SLC30A6: variants seen among roughly 807,000 people sequenced by gnomAD.
SLC30A6 encodes the protein zinc transporter 6.
In SLC30A6, 55 loss-of-function variants were observed where a neutral mutation model predicts 63.0. The ratio of observed to expected loss-of-function variants is 0.87; its 90% CI spans 0.70 to 1.09. The LOEUF is 1.09. Ranked by LOEUF, SLC30A6 falls within the 50% of genes least tolerant of loss-of-function variation. The pLI is 0.00. For missense variants in SLC30A6, 587 were observed against 549.2 expected (o/e 1.07, Z -0.69); for synonymous variants, 224 against 186.1 (o/e 1.20, Z -1.66).
At chr2:32,173,304 G>A (rs930318945) in intron 2 of SLC30A6, among the ~76,000 whole-genome samples, 1 of 151,704 alleles carries the variant, frequency 6.6e-6, no homozygotes, top group African/African-American at 2.4e-5. Flanking sequence ...AAAAATCTCT[G>A]TGTTGCCAAA....
At chr2:32,213,194 A>G (rs1685407617) in intron 13 of SLC30A6, among the ~76,000 whole-genome samples, 1 of 151,964 alleles carries the variant, frequency 6.6e-6, no homozygotes, top group Admixed American at 6.6e-5. Flanking sequence ...GGCACGAGCC[A>G]CTGTGCCTGG....
At chr2:32,186,522 C>G (rs1573303590) in intron 5 of SLC30A6, among the ~76,000 whole-genome samples, 1 of 152,122 alleles carries the variant, frequency 6.6e-6, no homozygotes, top group East Asian at 1.9e-4. Context: ...CCCATCTCTA[C>G]TAAAAACACA....
chr2:32,212,583 CTTTTTTTTTTTTT>C (rs1193348947), intron 13 of SLC30A6, among the ~76,000 whole-genome samples: 2 of 83,022 alleles, frequency 2.4e-5, no homozygotes, highest in Non-Finnish European at 4.8e-5. Flanking sequence ...CCATTTTTAC[CTTTTTTTTTTTTT>C]TTTTTTTTTT....
intron 1 of SLC30A6, among the ~76,000 whole-genome samples, chr2:32,166,693 C>T (rs1680690963): frequency 6.6e-6 from 1 of 152,178 alleles, no homozygotes; most frequent in East Asian, 1.9e-4. Context: ...TATTGATAGC[C>T]TACGTATGAG....
At position 32,171,382 on chromosome 2, in the gene SLC30A6, T is replaced by C; in HGVS notation, c.90+9T>C. 1 of 1,604,940 alleles carries C rather than the reference T, an allele frequency of 6.2e-7. No homozygotes were observed. The highest frequency in any genetic ancestry group is 8.5e-7 in the Non-Finnish European group (1 of 1,171,930). On this transcript the variant is annotated intron_variant, in intron 2 of 13. Transcript: ENST00000282587. ...TAGCAGCTGACCGAAGGGTAAGTTA[T>C]TCCTTAACCCCAATTTTAATTATTG...
intron 13 of SLC30A6, among the ~76,000 whole-genome samples, chr2:32,213,889 C>T (rs212694): frequency 0.53 from 78,661 of 148,762 alleles, 21,026 homozygotes; most frequent in African/African-American, 0.57. Context: ...CTGCAACCTC[C>T]GCCTCCTGAG....
chr2:32,209,871 C>T lies in SLC30A6; in HGVS notation c.885+310C>T, dbSNP rs544400687. On this transcript the variant is annotated intron_variant, in intron 13 of 13. Coordinates refer to ENST00000282587, the MANE Select transcript of SLC30A6 (RefSeq NM_017964.5). ...ATCAAACATGTTAATGATAATAATA[C>T]AGGAGTGTCCAGATAAGACAAATTT... Among the ~76,000 whole-genome samples the T allele has an allele frequency of 3.3e-5, 5 of 152,142 alleles. No individual in the cohort carries two copies. In the South Asian group the frequency reaches 8.3e-4, roughly 25 times the overall value.
intron 8 of SLC30A6, among the ~76,000 whole-genome samples, chr2:32,194,251 A>G (rs1683584310): frequency 6.6e-6 from 1 of 152,232 alleles, no homozygotes; most frequent in African/African-American, 2.4e-5. Context: ...CATTTACCAA[A>G]TAATGTGAGA....
At chr2:32,170,163 C>T (rs944092527) in intron 1 of SLC30A6, among the ~76,000 whole-genome samples, 2 of 152,050 alleles carry the variant, frequency 1.3e-5, no homozygotes, top group Non-Finnish European at 2.9e-5. Flanking sequence ...AAAGGCTTCC[C>T]CCAACTCCCA....
chr2:32,198,379 T>C (rs1176854006), intron 10 of SLC30A6, among the ~76,000 whole-genome samples: 1 of 152,220 alleles, frequency 6.6e-6, no homozygotes, highest in Non-Finnish European at 1.5e-5. Flanking sequence ...TAGATTTTTA[T>C]TTCTAGCCCA....
Position 32,192,361 on chromosome 2 carries a change from G to C in SLC30A6, c.310G>C (p.Val104Leu). 6.2e-7 allele frequency: 1 copy of C among 1,613,990 alleles called. No individual in the cohort carries two copies. Among genetic ancestry groups the C allele is most frequent in the Non-Finnish European group, 8.5e-7 (1 of 1,179,936 alleles). Residue 104 changes from valine to leucine, a missense_variant, in exon 6 of 14, where the codon GTA (valine) becomes CTA (leucine). Transcript: ENST00000282587. ...FGFERLEVLA[V>L]FASTVLAQLG... ...GTTTGAAAGATTAGAAGTCCTGGCT[G>C]TATTTGCCTCCACAGTCTTGGCACA...
chr2:32,218,644 C>T (rs1313254482), intron 13 of SLC30A6, among the ~76,000 whole-genome samples: 1 of 152,124 alleles, frequency 6.6e-6, no homozygotes, highest in Non-Finnish European at 1.5e-5. Flanking sequence ...GCAACGTCTG[C>T]CTCCTGGATT....
intron 2 of SLC30A6, 46 bp downstream of exon 2, chr2:32,171,419 T>C (rs1327664667): frequency 2.1e-6 from 3 of 1,427,436 alleles, no homozygotes; most frequent in Non-Finnish European, 3.0e-6. Flanking sequence ...ACAAACAACA[T>C]TATAACATTG....
intron 1 of SLC30A6, among the ~76,000 whole-genome samples, chr2:32,170,710 C>T (rs1379196557): frequency 2.6e-5 from 4 of 152,154 alleles, no homozygotes; most frequent in African/African-American, 4.8e-5. Flanking sequence ...GAGATTCTCA[C>T]GCCTCAGCCT....
chr2:32,183,687 CAAAA>C (rs564803931), intron 4 of SLC30A6, among the ~76,000 whole-genome samples: 1 of 110,094 alleles, frequency 9.1e-6, no homozygotes, highest in Non-Finnish European at 1.9e-5. Context: ...GACTCTGTCT[CAAAA>C]AAAAAAAAAA....
intron 10 of SLC30A6, among the ~76,000 whole-genome samples, chr2:32,200,854 T>C (rs1421723654): frequency 6.6e-6 from 1 of 151,994 alleles, no homozygotes; most frequent in Non-Finnish European, 1.5e-5. Context: ...ATAATAATAA[T>C]AATAAAACCC....
At chr2:32,172,337 A>G (rs1412407840) in intron 2 of SLC30A6, among the ~76,000 whole-genome samples, 1 of 151,864 alleles carries the variant, frequency 6.6e-6, no homozygotes, top group African/African-American at 2.4e-5. Flanking sequence ...TTGCTTCCTT[A>G]TCCAACTTAG....
intron 4 of SLC30A6, among the ~76,000 whole-genome samples, chr2:32,180,818 TAG>T (rs1191347332): frequency 1.3e-5 from 2 of 152,212 alleles, no homozygotes; most frequent in Non-Finnish European, 2.9e-5. Flanking sequence ...GTAATAAAAA[TAG>T]TCAAATTTTA....
intron 4 of SLC30A6, among the ~76,000 whole-genome samples, chr2:32,175,866 G>C (rs1429981607): frequency 6.6e-6 from 1 of 152,106 alleles, no homozygotes; most frequent in Non-Finnish European, 1.5e-5. Context: ...CCAGCTACTT[G>C]GGAGGGTGAG....
Sources: gnomAD v4.1 joint callset for allele counts (sites outside exome capture counted in the v4.1 genomes callset) on GRCh38, gnomAD v4.1.1 for gene constraint, MANE v1.5 for transcripts, NCBI Gene and HGNC (gene_info 2026-07-23, HGNC 2026-07-21) for gene names.